NGLY1: variants seen among roughly 807,000 people sequenced by gnomAD.
NGLY1 encodes N-glycanase 1.
In NGLY1, 68 loss-of-function variants were observed where a neutral mutation model predicts 84.6. The observed-to-expected ratio is 0.80, with a 90% CI of 0.66 to 0.98. NGLY1 has a LOEUF of 0.98. Ranked by LOEUF, NGLY1 falls within the 50% of genes least tolerant of loss-of-function variation. The pLI is 0.00. For missense variants in NGLY1, 779 were observed against 770.2 expected (o/e 1.01, Z -0.14); for synonymous variants, 280 against 275.2 (o/e 1.02, Z -0.17).
chr3:25,770,041 G>A (rs1252032806), intron 2 of NGLY1, among the ~76,000 whole-genome samples: 3 of 151,732 alleles, frequency 2.0e-5, no homozygotes, highest in Non-Finnish European at 4.4e-5. Flanking sequence ...ATAATGTTTG[G>A]TTTTCCATTC....
At chr3:25,731,414 C>G (rs952602280) in intron 9 of NGLY1, among the ~76,000 whole-genome samples, 2 of 152,004 alleles carry the variant, frequency 1.3e-5, no homozygotes, top group African/African-American at 4.8e-5. Flanking sequence ...TACTACTATA[C>G]GCCACCAGAA....
chr3:25,754,988 A>G (rs549272707), intron 3 of NGLY1: 54 of 809,236 alleles, frequency 6.7e-5, no homozygotes, highest in Non-Finnish European at 1.2e-4. Flanking sequence ...GATGGCACAG[A>G]TCTCGAAGGA....
Position 25,764,190 on chromosome 3 carries a change from T to C in NGLY1, c.368A>G (p.Lys123Arg). ...LDGSNKSHKV[K>R]SSQQPAASTQ... ...ACTGGCTGCAGGTTGCTGAGATGAC[T>C]TTACTTTGTGGCTCTTATTTGAGCC... Residue 123 changes from lysine (K) to arginine (R), a missense_variant, in exon 3 of 12, where the codon AAG becomes AGG. By Grantham distance (26) the Lys-to-Arg change is conservative (BLOSUM62 2). Coordinates refer to ENST00000280700, the MANE Select transcript of NGLY1 (RefSeq NM_018297.4). 6.2e-7 allele frequency: 1 copy of C among 1,614,188 alleles called. No individual in the cohort carries two copies. The highest frequency in any genetic ancestry group is 8.5e-7 in the Non-Finnish European group (1 of 1,180,030).
upstream of NGLY1, among the ~76,000 whole-genome samples, chr3:25,787,865 A>G (rs182044036): frequency 3.1e-3 from 475 of 152,312 alleles, 3 homozygotes; most frequent in Middle Eastern, 0.031. Context: ...GGAAGATACC[A>G]TGACACTTCA....
At chr3:25,744,679 T>C (rs1039861344) in intron 4 of NGLY1, among the ~76,000 whole-genome samples, 7 of 152,194 alleles carry the variant, frequency 4.6e-5, no homozygotes, top group Admixed American at 3.9e-4. Flanking sequence ...CCAACTTCCC[T>C]TGCGGCTAAG....
At chr3:25,782,633 C>T in intron 1 of NGLY1, 1 of 152,300 alleles carries the variant, frequency 6.6e-6, no homozygotes, top group Admixed American at 6.5e-5. Context: ...GGTTATGTTA[C>T]ATAGTAGAAT....
intron 1 of NGLY1, among the ~76,000 whole-genome samples, chr3:25,788,760 A>G (rs1708657851): frequency 2.0e-5 from 3 of 152,232 alleles, no homozygotes. Context: ...GTTTGTTTTA[A>G]TTCTTCAAGA....
intron 3 of NGLY1, 44 bp downstream of exon 3, chr3:25,764,022 C>T: frequency 6.2e-7 from 1 of 1,600,696 alleles, no homozygotes; most frequent in Non-Finnish European, 8.5e-7. Context: ...GCTGTTTCAA[C>T]ACTTTGAAAG....
chr3:25,728,675 G>A (rs1485011608), intron 10 of NGLY1, among the ~76,000 whole-genome samples: 3 of 152,034 alleles, frequency 2.0e-5, no homozygotes, highest in African/African-American at 4.8e-5. Flanking sequence ...TCTTTGAAGT[G>A]AATGCCTGTT....
chr3:25,752,941 T>G (rs535332478), intron 3 of NGLY1, among the ~76,000 whole-genome samples: 43 of 151,610 alleles, frequency 2.8e-4, no homozygotes, highest in Non-Finnish European at 3.4e-4. Flanking sequence ...AGAATGAGGA[T>G]AAAAAGAACA....
chr3:25,763,644 T>C (rs1199158975), intron 3 of NGLY1, among the ~76,000 whole-genome samples: 1 of 152,214 alleles, frequency 6.6e-6, no homozygotes, highest in Admixed American at 6.5e-5. Flanking sequence ...ATGGAATCAT[T>C]TCAGTTTATC....
At chr3:25,770,383 G>A (rs576121038) in intron 2 of NGLY1, among the ~76,000 whole-genome samples, 2 of 151,974 alleles carry the variant, frequency 1.3e-5, no homozygotes, top group South Asian at 2.1e-4. Context: ...TCCTGACCTC[G>A]GGTGATCCAC....
In NGLY1 at chr3:25,719,456, G is replaced by C; in HGVS notation, c.*4C>G. The C allele has an allele frequency of 6.2e-7, 1 of 1,611,878 alleles. No individual in the cohort carries two copies. The highest frequency in any genetic ancestry group is 8.5e-7 in the Non-Finnish European group (1 of 1,178,316). ...TTGCCAGCTTTTCTATAATGTTCAG[G>C]TTCTCAAAGGTCACTGAATTTTATA... On this transcript the variant is annotated 3_prime_UTR_variant, in exon 12 of 12. Coordinates refer to ENST00000280700, the MANE Select transcript of NGLY1 (RefSeq NM_018297.4).
intron 6 of NGLY1, 166 bp downstream of exon 6, chr3:25,737,168 C>A: frequency 1.8e-6 from 1 of 548,264 alleles, no homozygotes; most frequent in Non-Finnish European, 3.1e-6. Context: ...CTTGTGATCC[C>A]TTCAAAAAAC....
intron 2 of NGLY1, among the ~76,000 whole-genome samples, chr3:25,776,527 T>C (rs1708162439): frequency 6.6e-6 from 1 of 152,186 alleles, no homozygotes; most frequent in Non-Finnish European, 1.5e-5. Context: ...CTGCCTAATC[T>C]CTCCTTTGGG....
intron 3 of NGLY1, among the ~76,000 whole-genome samples, chr3:25,756,080 T>A (rs1392712423): frequency 6.6e-6 from 1 of 152,234 alleles, no homozygotes; most frequent in African/African-American, 2.4e-5. Flanking sequence ...TGTCACTAGC[T>A]TTTTTATTTT....
rs774208013 is a variant in NGLY1, at chr3:25,720,165, T to C, written c.1638A>G (p.Ser546=). The change falls in exon 11 of 12, where the codon TCA becomes TCG. Residue 546 remains serine, a synonymous_variant. Coordinates refer to ENST00000280700, the MANE Select transcript of NGLY1 (RefSeq NM_018297.4). ...ACTTCCAGGAAATATAAGCAAAAGA[T>C]GATCCTTCCTTTCGGGCCAAATATA... The part of the protein sequence containing the change: ...HMVYLARKEG[S]SFAYISWKFE... 3 of 1,613,846 alleles carry C rather than the reference T, an allele frequency of 1.9e-6. No homozygotes were observed. The highest frequency in any genetic ancestry group is 1.3e-5 in the African/African-American group (1 of 75,008).
intron 2 of NGLY1, among the ~76,000 whole-genome samples, chr3:25,775,283 T>C (rs760445367): frequency 2.0e-5 from 3 of 152,370 alleles, no homozygotes; most frequent in East Asian, 3.9e-4. Context: ...AAGTTAGTCC[T>C]GTCTCCTATC....
chr3:25,736,734 AAGTT>A, intron 6 of NGLY1: 1 of 187,074 alleles, frequency 5.3e-6, no homozygotes, highest in Non-Finnish European at 1.1e-5. Context: ...ACTGTGCTTT[AAGTT>A]TATAGTTTAC....
Sources: gnomAD v4.1 joint callset for allele counts (sites outside exome capture counted in the v4.1 genomes callset) on GRCh38, gnomAD v4.1.1 for gene constraint, MANE v1.5 for transcripts, NCBI Gene and HGNC (gene_info 2026-07-23, HGNC 2026-07-21) for gene names.